The following ALDH1A2 variants were observed in gnomAD, a reference collection of about 807,000 sequenced individuals.
The protein encoded by ALDH1A2 is aldehyde dehydrogenase 1 family member A2, also known as retinal dehydrogenase 2.
A neutral mutation model predicts 60.3 loss-of-function variants in ALDH1A2; 27 were observed. The ratio of observed to expected loss-of-function variants is 0.45; its 90% CI spans 0.33 to 0.62. ALDH1A2 has a LOEUF of 0.62. Ranked by LOEUF, ALDH1A2 falls within the 20% of genes least tolerant of loss-of-function variation. The pLI, the probability that ALDH1A2 is intolerant of heterozygous loss-of-function variation, is 0.02. For missense variants in ALDH1A2, 581 were observed against 643.8 expected, an observed-to-expected ratio of 0.90 and a Z score of 1.06; for synonymous variants, 289 against 232.4, an observed-to-expected ratio of 1.24 and a Z score of -2.21.
chr15:57,993,781 G>T (rs1400810523), intron 5 of ALDH1A2, among the ~76,000 whole-genome samples: 1 of 152,144 alleles, frequency 6.6e-6, no homozygotes, highest in Non-Finnish European at 1.5e-5. Context: ...AGTACTATCA[G>T]GTGTCATTGA....
chr15:58,026,589 G>A (rs796941226), intron 1 of ALDH1A2, among the ~76,000 whole-genome samples: 1 of 152,256 alleles, frequency 6.6e-6, no homozygotes, highest in East Asian at 1.9e-4. Context: ...GAAGCACAAG[G>A]GGTCAGGGGA....
chr15:57,961,318 A>G, intron 10 of ALDH1A2, 24 bp from the exon 11 acceptor site: 8 of 1,612,136 alleles, frequency 5.0e-6, no homozygotes, highest in Non-Finnish European at 6.8e-6. Flanking sequence ...ATATGACTCA[A>G]CATGGTTGCT....
chr15:57,992,612 T>G (rs1344690200), intron 7 of ALDH1A2, 93 bp downstream of exon 7: 5 of 1,152,238 alleles, frequency 4.3e-6, no homozygotes, highest in Non-Finnish European at 5.2e-6. Flanking sequence ...GCCCTTTTGG[T>G]GTCTAGCCTA....
At chr15:57,996,787 G>A (rs758936764) in intron 4 of ALDH1A2, among the ~76,000 whole-genome samples, 1 of 151,920 alleles carries the variant, frequency 6.6e-6, no homozygotes, top group African/African-American at 2.4e-5. Context: ...TCAACAACAC[G>A]CTATTTTTCC....
chr15:58,008,846 A>G (rs1455217963), intron 4 of ALDH1A2, among the ~76,000 whole-genome samples: 1 of 152,078 alleles, frequency 6.6e-6, no homozygotes, highest in Non-Finnish European at 1.5e-5. Flanking sequence ...GCCCTCTAAT[A>G]GGTATGCTCA....
chr15:57,986,874 C>G (rs944094969), intron 7 of ALDH1A2, among the ~76,000 whole-genome samples: 1 of 152,016 alleles, frequency 6.6e-6, no homozygotes, highest in Non-Finnish European at 1.5e-5. Flanking sequence ...GGGTTGGTCT[C>G]GGATTCCTGA....
At chr15:57,974,635 T>C (rs8041644) in intron 7 of ALDH1A2, among the ~76,000 whole-genome samples, 60,536 of 151,712 alleles carry the variant, frequency 0.4, 13,731 homozygotes, top group South Asian at 0.71. Context: ...AAGTAGATCA[T>C]AGGCCTAAAT....
At chr15:57,961,908 T>C (rs1290330617) in intron 10 of ALDH1A2, 104 bp downstream of exon 10, 31 of 1,443,170 alleles carry the variant, frequency 2.1e-5, no homozygotes, top group Non-Finnish European at 2.7e-5. Flanking sequence ...AAAATGAATA[T>C]ATGTAAAATA....
At chr15:57,956,903 C>A (rs1893546072) in intron 12 of ALDH1A2, among the ~76,000 whole-genome samples, 1 of 152,188 alleles carries the variant, frequency 6.6e-6, no homozygotes, top group Non-Finnish European at 1.5e-5. Context: ...TCTACAGCAT[C>A]AGAAACCTCA....
At chr15:58,054,783 G>A (rs1246410491) in intron 1 of ALDH1A2, among the ~76,000 whole-genome samples, 3 of 152,098 alleles carry the variant, frequency 2.0e-5, no homozygotes. Flanking sequence ...AAATAAACAG[G>A]TGTTATTAAG....
At chr15:57,978,580 G>A (rs1894359080) in intron 7 of ALDH1A2, among the ~76,000 whole-genome samples, 3 of 152,132 alleles carry the variant, frequency 2.0e-5, no homozygotes, top group Non-Finnish European at 4.4e-5. Context: ...TACAGACAGA[G>A]GTTTTATTGT....
Position 58,065,660 on chromosome 15 carries a change from C to A in ALDH1A2, c.-10G>T. 1 of 1,573,296 alleles carries A rather than the reference C, an allele frequency of 6.4e-7. No individual in the cohort carries two copies. Among genetic ancestry groups the A allele is most frequent in the Non-Finnish European group, 8.6e-7 (1 of 1,157,374 alleles). On this transcript the variant is annotated 5_prime_UTR_variant, in exon 1 of 13. Coordinates refer to ENST00000249750, the MANE Select transcript of ALDH1A2 (RefSeq NM_003888.4). Reference sequence around the variant, plus strand: ...TCTTGCTGGAAGTCATGGTGGCGGGCCGGGTGTCCCTAGCCCGCGGCGTGG... The same window carrying A: ...TCTTGCTGGAAGTCATGGTGGCGGGACGGGTGTCCCTAGCCCGCGGCGTGG...
At chr15:58,048,130 T>C (rs1223309626) in intron 1 of ALDH1A2, among the ~76,000 whole-genome samples, 1 of 152,146 alleles carries the variant, frequency 6.6e-6, no homozygotes, top group East Asian at 1.9e-4. Context: ...TAGAAAAGGC[T>C]GCTAACTAGA....
rs16939660 is a variant in ALDH1A2, at chr15:58,010,689, T to C, written c.453A>G (p.Ala151=). The C allele has an allele frequency of 8.7e-3, 13,984 of 1,613,522 alleles. 105 individuals carry two copies. Among genetic ancestry groups the C allele is most frequent in the African/African-American group, 0.033 (2,476 of 74,998 alleles). ...TCCCATGAATTTTATCAGCCCAGCC[T>C]GCGTAATATCGAAAGGTTTTGATGA... ...QGVIKTFRYY[A]GWADKIHGMT... is the part of the protein sequence containing the mutation. Residue 151 remains alanine, a synonymous_variant, in exon 4 of 13, where the codon GCA becomes GCG. Transcript: ENST00000249750.
intron 7 of ALDH1A2, among the ~76,000 whole-genome samples, chr15:57,982,353 T>A (rs1053493749): frequency 7.2e-5 from 11 of 152,208 alleles, no homozygotes; most frequent in Admixed American, 6.5e-4. Context: ...ATATTTAATC[T>A]TGATTCCTTT....
intron 1 of ALDH1A2, among the ~76,000 whole-genome samples, chr15:58,015,126 G>C (rs547212408): frequency 1.3e-5 from 2 of 152,260 alleles, no homozygotes; most frequent in South Asian, 4.1e-4. Context: ...TGTAATCTTA[G>C]AGGACATACG....
At chr15:58,029,374 C>A (rs1336129209) in intron 1 of ALDH1A2, among the ~76,000 whole-genome samples, 1 of 152,150 alleles carries the variant, frequency 6.6e-6, no homozygotes, top group Non-Finnish European at 1.5e-5. Context: ...GTACCAGAAT[C>A]TCTGGGACAC....
chr15:58,029,254 A>G (rs1437077940), intron 1 of ALDH1A2, among the ~76,000 whole-genome samples: 5 of 152,180 alleles, frequency 3.3e-5, no homozygotes, highest in African/African-American at 9.7e-5. Context: ...TCAAAACCGC[A>G]TAACTACATG....
Position 57,992,932 on chromosome 15 carries a change from C to G in ALDH1A2, c.684+13G>C, listed in dbSNP as rs746496383. ...GGGGAGTCAGAAGCACTCCCGAAGT[C>G]CGTTTCTCTTACCTCCTTGATGAGG... On this transcript the variant is annotated intron_variant, in intron 6 of 12. Coordinates refer to ENST00000249750, the MANE Select transcript of ALDH1A2 (RefSeq NM_003888.4). The G allele has an allele frequency of 5.0e-6, 8 of 1,614,072 alleles. No homozygotes were observed. The East Asian group carries it at 1.1e-4, about 22-fold the overall frequency.
Sources: allele counts gnomAD v4.1 joint callset (sites outside exome capture counted in the v4.1 genomes callset), GRCh38; gene constraint gnomAD v4.1.1; transcripts MANE v1.5; gene names NCBI Gene and HGNC (gene_info 2026-07-23, HGNC 2026-07-21).